ST6GALNAC3: variants seen among roughly 807,000 people sequenced by gnomAD.
The protein encoded by ST6GALNAC3 is ST6 N-acetylgalactosaminide alpha-2,6-sialyltransferase 3.
A neutral mutation model predicts 32.7 loss-of-function variants in ST6GALNAC3; 25 were observed. That is an observed-to-expected ratio of 0.76 (90% CI 0.56 to 1.07). The LOEUF (loss-of-function observed/expected upper bound fraction) is 1.07. Ranked by LOEUF, ST6GALNAC3 falls within the 50% of genes least tolerant of loss-of-function variation. The pLI, the probability that ST6GALNAC3 is intolerant of heterozygous loss-of-function variation, is 0.00. For missense variants in ST6GALNAC3, 355 were observed against 382.4 expected, an observed-to-expected ratio of 0.93 and a Z score of 0.60; for synonymous variants, 129 against 133.1, an observed-to-expected ratio of 0.97 and a Z score of 0.21.
rs148787942 is a variant in ST6GALNAC3, at chr1:76,282,958, G to C, written c.19-30847G>C. On this transcript the variant is annotated intron_variant, in intron 1 of 4. Transcript: ENST00000328299. Reference sequence around the variant, plus strand: ...GGAGGCTGAGGCAGAAGAATTGCTTGAGCCCGGGAGGTGGAGGTTGCAGTA... The same window carrying C: ...GGAGGCTGAGGCAGAAGAATTGCTTCAGCCCGGGAGGTGGAGGTTGCAGTA... Among the ~76,000 whole-genome samples, 307 of 152,118 alleles carry C rather than the reference G, an allele frequency of 2.0e-3. 2 individuals are homozygous for C. The highest frequency in any genetic ancestry group is 6.6e-3 in the African/African-American group (274 of 41,486).
chr1:76,123,556 G>A (rs1570072138), intron 1 of ST6GALNAC3, among the ~76,000 whole-genome samples: 3 of 152,044 alleles, frequency 2.0e-5, no homozygotes, highest in Admixed American at 2.0e-4. Flanking sequence ...CCAGTAAGGG[G>A]GTAGGTATAG....
At chr1:76,580,403 G>A (rs888511337) in intron 3 of ST6GALNAC3, among the ~76,000 whole-genome samples, 3 of 152,094 alleles carry the variant, frequency 2.0e-5, no homozygotes, top group Admixed American at 1.3e-4. Flanking sequence ...CTTTCCGGAT[G>A]TTCTGTCACA....
chr1:76,435,859 AT>A (rs111418233), intron 3 of ST6GALNAC3, among the ~76,000 whole-genome samples: 3,418 of 114,938 alleles, frequency 0.03, 81 homozygotes, highest in African/African-American at 0.078. Context: ...TTCTTTTTTT[AT>A]TTTTTTTTTT....
intron 2 of ST6GALNAC3, among the ~76,000 whole-genome samples, chr1:76,382,567 A>G (rs953506311): frequency 5.3e-5 from 8 of 152,226 alleles, no homozygotes; most frequent in Non-Finnish European, 8.8e-5. Context: ...AGAAAAGAGC[A>G]TAGCAGACAC....
chr1:76,590,225 G>A (rs946687749), intron 3 of ST6GALNAC3, among the ~76,000 whole-genome samples: 6 of 152,130 alleles, frequency 3.9e-5, no homozygotes, highest in African/African-American at 1.2e-4. Flanking sequence ...GCTGCTCAAC[G>A]TGACCACATT....
At chr1:76,415,865 G>T (rs955997093) in intron 3 of ST6GALNAC3, among the ~76,000 whole-genome samples, 1 of 152,026 alleles carries the variant, frequency 6.6e-6, no homozygotes, top group Non-Finnish European at 1.5e-5. Context: ...TGTGTATATT[G>T]TTTAAAGATA....
intron 1 of ST6GALNAC3, among the ~76,000 whole-genome samples, chr1:76,258,707 G>A (rs373855686): frequency 6.6e-6 from 1 of 152,150 alleles, no homozygotes; most frequent in Non-Finnish European, 1.5e-5. Context: ...ATTGTAAGAT[G>A]TGACTGCAGC....
At chr1:76,208,090 A>G (rs1269429373) in intron 1 of ST6GALNAC3, among the ~76,000 whole-genome samples, 1 of 138,644 alleles carries the variant, frequency 7.2e-6, no homozygotes. Context: ...TAGTCCTTTC[A>G]TGCCTCAGGG....
chr1:76,554,452 T>A (rs1664803923), intron 3 of ST6GALNAC3, among the ~76,000 whole-genome samples: 1 of 152,098 alleles, frequency 6.6e-6, no homozygotes, highest in African/African-American at 2.4e-5. Context: ...AAATAACTAA[T>A]GAGGACACTT....
intron 1 of ST6GALNAC3, among the ~76,000 whole-genome samples, chr1:76,250,958 AT>A (rs1657574297): frequency 1.3e-5 from 2 of 152,144 alleles, no homozygotes; most frequent in Non-Finnish European, 2.9e-5. Context: ...AAACTTGATG[AT>A]TTTCAAAATC....
chr1:76,212,734 A>G (rs1472160963), intron 1 of ST6GALNAC3, among the ~76,000 whole-genome samples: 3 of 152,168 alleles, frequency 2.0e-5, no homozygotes, highest in Non-Finnish European at 4.4e-5. Flanking sequence ...TAAAAATGCA[A>G]ATTCTTTGGG....
chr1:76,095,385 T>C (rs1647113055), intron 1 of ST6GALNAC3, among the ~76,000 whole-genome samples: 1 of 152,240 alleles, frequency 6.6e-6, no homozygotes, highest in Admixed American at 6.5e-5. Flanking sequence ...TTATGTATTA[T>C]AGCATTTCAA....
rs114189653 is a variant in ST6GALNAC3 at position 76,219,257 on chromosome 1, A to C, written c.19-94548A>C. Among the ~76,000 whole-genome samples, 280 of 152,164 alleles carry C rather than the reference A, an allele frequency of 1.8e-3. 4 individuals are homozygous for C. The highest frequency in any genetic ancestry group is 6.5e-3 in the African/African-American group (271 of 41,518). On this transcript the variant is annotated intron_variant, in intron 1 of 4. Coordinates refer to ENST00000328299, the MANE Select transcript of ST6GALNAC3 (RefSeq NM_152996.4). ...TGGCTGTTCCTGCTCTGCTTCTGCTACCTCCTTCAAGGTTGAATAATCTTT... is the reference window on the plus strand; with the variant it reads ...TGGCTGTTCCTGCTCTGCTTCTGCTCCCTCCTTCAAGGTTGAATAATCTTT...
intron 3 of ST6GALNAC3, among the ~76,000 whole-genome samples, chr1:76,626,106 C>T (rs577346185): frequency 2.6e-5 from 4 of 152,006 alleles, no homozygotes; most frequent in African/African-American, 9.6e-5. Flanking sequence ...GCAGCAGCAG[C>T]AGCAGCAAAG....
chr1:76,157,977 T>C (rs366497), intron 1 of ST6GALNAC3, among the ~76,000 whole-genome samples: 19,621 of 152,298 alleles, frequency 0.13, 1,628 homozygotes, highest in Non-Finnish European at 0.19. Context: ...TAATTGGTGA[T>C]GCTAGCGTCA....
intron 2 of ST6GALNAC3, among the ~76,000 whole-genome samples, chr1:76,328,112 C>A (rs1046143956): frequency 6.6e-6 from 1 of 152,142 alleles, no homozygotes; most frequent in Non-Finnish European, 1.5e-5. Flanking sequence ...CTCAAATTGG[C>A]AGGACTGATA....
chr1:76,540,992 C>A (rs1396881541), intron 3 of ST6GALNAC3, among the ~76,000 whole-genome samples: 2 of 152,006 alleles, frequency 1.3e-5, no homozygotes, highest in Non-Finnish European at 2.9e-5. Flanking sequence ...AGAAAGGGAC[C>A]CCTAAGTAAG....
At chr1:76,472,221 A>T (rs182573976) in intron 3 of ST6GALNAC3, among the ~76,000 whole-genome samples, 7 of 152,296 alleles carry the variant, frequency 4.6e-5, no homozygotes, top group Admixed American at 1.3e-4. Flanking sequence ...ACTTGATCTC[A>T]TCCATGCTGG....
chr1:76,368,590 C>G lies in ST6GALNAC3; in HGVS notation c.214-43418C>G, dbSNP rs1341512889. On this transcript the variant is annotated intron_variant, in intron 2 of 4. Transcript: ENST00000328299. ...TAAGGGTAGAAATCTGCTTCCCTTT[C>G]TGCCTGCTGAATCCCTGGCACCTAA... Among the ~76,000 whole-genome samples, 3 of 152,016 alleles carry G rather than the reference C, an allele frequency of 2.0e-5. No individual in the cohort carries two copies. The East Asian group carries it at 5.8e-4, about 29-fold the overall frequency.
Sources: gnomAD v4.1 joint callset for allele counts (sites outside exome capture counted in the v4.1 genomes callset) on GRCh38, gnomAD v4.1.1 for gene constraint, MANE v1.5 for transcripts, NCBI Gene and HGNC (gene_info 2026-07-23, HGNC 2026-07-21) for gene names.